Variants in CHMP4B observed in about 807,000 individuals in gnomAD.
CHMP4B encodes charged multivesicular body protein 4B.
In CHMP4B, 1 loss-of-function variant was observed where a neutral mutation model predicts 25.1. The ratio of observed to expected loss-of-function variants is 0.04; its 90% CI spans 0.01 to 0.19. The LOEUF (loss-of-function observed/expected upper bound fraction) is 0.19. CHMP4B is among the 10% of genes least tolerant of loss of function. The pLI is 1.00. For missense variants in CHMP4B, 151 were observed against 289.7 expected (o/e 0.52, Z 3.48); for synonymous variants, 101 against 115.6 (o/e 0.87, Z 0.81).
chr20:33,827,427 A>G (rs1207873598), intron 1 of CHMP4B, among the ~76,000 whole-genome samples: 1 of 152,260 alleles, frequency 6.6e-6, no homozygotes, highest in African/African-American at 2.4e-5. Context: ...CTCAGCCTTC[A>G]TCTTATCTGT....
intron 1 of CHMP4B, among the ~76,000 whole-genome samples, chr20:33,816,982 A>G (rs1459197550): frequency 6.6e-6 from 1 of 152,224 alleles, no homozygotes; most frequent in African/African-American, 2.4e-5. Flanking sequence ...TCTCATGTTT[A>G]ATAAAGTCTC....
intron 1 of CHMP4B, among the ~76,000 whole-genome samples, chr20:33,815,382 T>C (rs1164858413): frequency 2.0e-5 from 3 of 152,226 alleles, no homozygotes; most frequent in African/African-American, 4.8e-5. Flanking sequence ...CTGAGACTTT[T>C]CTGAAGGAGA....
intron 1 of CHMP4B, among the ~76,000 whole-genome samples, chr20:33,840,329 A>T (rs2092737): frequency 6.6e-6 from 1 of 151,682 alleles, no homozygotes; most frequent in Admixed American, 6.6e-5. Flanking sequence ...GCAAGGAAAG[A>T]GAGGCGGGGG....
intron 1 of CHMP4B, among the ~76,000 whole-genome samples, chr20:33,812,269 C>T (rs964024275): frequency 6.6e-6 from 1 of 152,236 alleles, no homozygotes; most frequent in Non-Finnish European, 1.5e-5. Flanking sequence ...GTTTCCCCAT[C>T]CGTCAGCCAG....
chr20:33,844,066 G>C (rs995480848), intron 1 of CHMP4B, among the ~76,000 whole-genome samples: 4 of 152,252 alleles, frequency 2.6e-5, no homozygotes, highest in African/African-American at 9.6e-5. Flanking sequence ...AGGAAGGGGA[G>C]TCCTGGGGGG....
chr20:33,811,714 C>A (rs1601312862), intron 1 of CHMP4B, 56 bp downstream of exon 1: 4 of 1,557,416 alleles, frequency 2.6e-6, no homozygotes, highest in Non-Finnish European at 3.5e-6. Context: ...GCTCCCCGGG[C>A]CCGGACTTCA....
intron 1 of CHMP4B, among the ~76,000 whole-genome samples, chr20:33,824,383 G>A (rs1979029241): frequency 6.6e-6 from 1 of 152,184 alleles, no homozygotes; most frequent in African/African-American, 2.4e-5. Context: ...GCTTCAGCAA[G>A]GCTGTGTCAG....
At chr20:33,844,080 C>T (rs185820686) in intron 1 of CHMP4B, among the ~76,000 whole-genome samples, 68 of 152,328 alleles carry the variant, frequency 4.5e-4, no homozygotes, top group Non-Finnish European at 8.2e-4. Flanking sequence ...TGGGGGGATA[C>T]CCCGGGACTG....
intron 1 of CHMP4B, among the ~76,000 whole-genome samples, chr20:33,846,719 TG>T (rs1979699133): frequency 6.6e-6 from 1 of 152,060 alleles, no homozygotes; most frequent in African/African-American, 2.4e-5. Flanking sequence ...CACAGCCTCA[TG>T]GGGGAGGGGG....
intron 1 of CHMP4B, among the ~76,000 whole-genome samples, chr20:33,827,436 G>T (rs564948324): frequency 1.3e-5 from 2 of 152,364 alleles, no homozygotes; most frequent in South Asian, 4.1e-4. Flanking sequence ...CATCTTATCT[G>T]TTAATAGCTT....
intron 1 of CHMP4B, among the ~76,000 whole-genome samples, chr20:33,829,179 T>A (rs1445978758): frequency 6.6e-6 from 1 of 152,198 alleles, no homozygotes; most frequent in East Asian, 1.9e-4. Flanking sequence ...GGAGAGAGGC[T>A]GCTTCTTGCT....
intron 1 of CHMP4B, among the ~76,000 whole-genome samples, chr20:33,831,928 G>A (rs980438146): frequency 6.6e-6 from 1 of 152,084 alleles, no homozygotes; most frequent in South Asian, 2.1e-4. Context: ...ACCTTTTCCC[G>A]AAAGAGAATC....
Position 33,811,395 on chromosome 20 carries a change from G to A in CHMP4B, c.-74G>A, listed in dbSNP as rs1978600257. 1.6e-6 allele frequency: 2 copies of A among 1,248,958 alleles called. No homozygotes were observed. The highest frequency in any genetic ancestry group is 3.3e-5 in the East Asian group (1 of 30,624). The allele number at this position is 1,248,958 out of a possible 1,614,324, so 77.4% of individuals were successfully genotyped here. A position where few individuals can be genotyped will look rare whatever the true frequency, so the allele number is the denominator to read the frequency against. ...AGCGGCGGGACTGGGAGCGGGCGCC[G>A]GAGCCGACCCGAGCCGAGCCGAGCC... On this transcript the variant is annotated 5_prime_UTR_variant, in exon 1 of 5. Coordinates refer to ENST00000217402, the MANE Select transcript of CHMP4B (RefSeq NM_176812.5).
chr20:33,853,610 C>T lies in CHMP4B; in HGVS notation c.*50C>T, dbSNP rs768192373. ...AGACAGACTGTGGTGGCCTGCGCAG[C>T]GAGCAGGCGTGTGCGTGTGTGGGGC... On this transcript the variant is annotated 3_prime_UTR_variant, in exon 5 of 5. Transcript: ENST00000217402. The T allele has an allele frequency of 3.7e-5, 56 of 1,510,714 alleles. No homozygotes were observed. The highest frequency in any genetic ancestry group is 1.7e-4 in the Middle Eastern group (1 of 5,886). 93.6% of individuals were successfully genotyped at this position (1,510,714 alleles called of 1,614,324 possible).
At chr20:33,848,717 T>C (rs1979756679) in intron 2 of CHMP4B, 73 bp downstream of exon 2, 1 of 1,512,488 alleles carries the variant, frequency 6.6e-7, no homozygotes, top group Non-Finnish European at 9.1e-7. Flanking sequence ...GCCATGGCCT[T>C]GGGCAGACGG....
intron 1 of CHMP4B, among the ~76,000 whole-genome samples, chr20:33,811,859 A>C (rs1978629633): frequency 6.6e-6 from 1 of 151,794 alleles, no homozygotes; most frequent in African/African-American, 2.4e-5. Context: ...CGTCAGACTT[A>C]TTCTGCCCTC....
chr20:33,836,497 A>G (rs1462736693), intron 1 of CHMP4B, among the ~76,000 whole-genome samples: 1 of 152,062 alleles, frequency 6.6e-6, no homozygotes, highest in Admixed American at 6.6e-5. Context: ...AAGAGGCACT[A>G]TGACTGGCCC....
At chr20:33,852,947 G>A (rs867842386) in intron 4 of CHMP4B, among the ~76,000 whole-genome samples, 1 of 152,134 alleles carries the variant, frequency 6.6e-6, no homozygotes, top group Non-Finnish European at 1.5e-5. Context: ...TAGAAAAAGC[G>A]AGGCAATTTG....
At chr20:33,846,569 T>G (rs1979694764) in intron 1 of CHMP4B, among the ~76,000 whole-genome samples, 2 of 152,264 alleles carry the variant, frequency 1.3e-5, no homozygotes. Flanking sequence ...GGAGAAGTTT[T>G]CTGCTGCTTT....
Sources: gnomAD v4.1 joint callset for allele counts (sites outside exome capture counted in the v4.1 genomes callset) on GRCh38, gnomAD v4.1.1 for gene constraint, MANE v1.5 for transcripts, NCBI Gene and HGNC (gene_info 2026-07-23, HGNC 2026-07-21) for gene names.